DARS1: variants seen among roughly 807,000 people sequenced by gnomAD.
DARS1 encodes aspartyl-tRNA synthetase 1, also known as aspartate--tRNA ligase, cytoplasmic.
Under a neutral mutation model 68.8 loss-of-function variants are expected in DARS1, and 51 were observed. The ratio of observed to expected loss-of-function variants is 0.74; its 90% CI spans 0.59 to 0.94. The LOEUF is 0.94. Among genes scored for constraint, DARS1 ranks in the 40% least tolerant of loss-of-function variants. The probability of loss-of-function intolerance (pLI) is 0.00; values close to 1 mark genes in which losing one functional copy is unlikely to be tolerated. For synonymous variants in DARS1, 203 were observed against 190.4 expected (o/e 1.07, Z -0.55); for missense variants, 607 against 597.3 (o/e 1.02, Z -0.17).
chr2:135,967,790 A>G (rs1164650707), intron 3 of DARS1, among the ~76,000 whole-genome samples: 2 of 152,150 alleles, frequency 1.3e-5, no homozygotes, highest in African/African-American at 4.8e-5. Flanking sequence ...AGAAACTGCC[A>G]CCATGAGTTG....
intron 1 of DARS1, 45 bp downstream of exon 1, chr2:135,985,358 G>T: frequency 6.2e-7 from 1 of 1,604,646 alleles, no homozygotes; most frequent in Non-Finnish European, 8.5e-7. Context: ...GCGCAGCCCG[G>T]CCCAGGGGTC....
At chr2:135,925,230 T>C (rs1681188395) in intron 7 of DARS1, among the ~76,000 whole-genome samples, 2 of 152,212 alleles carry the variant, frequency 1.3e-5, no homozygotes, top group East Asian at 3.8e-4. Context: ...AGACTAACTT[T>C]TGTCCACTTC....
intron 3 of DARS1, among the ~76,000 whole-genome samples, chr2:135,969,806 T>C (rs1427499476): frequency 6.6e-6 from 1 of 152,186 alleles, no homozygotes; most frequent in African/African-American, 2.4e-5. Flanking sequence ...TCATTGCTCC[T>C]GAGGGAAGTT....
chr2:135,912,379 A>G (rs1295186908), intron 13 of DARS1, 107 bp downstream of exon 13: 1 of 533,578 alleles, frequency 1.9e-6, no homozygotes, highest in East Asian at 3.0e-5. Context: ...TGTCTATCAA[A>G]ACTGCAAATT....
chr2:135,916,449 C>T (rs891234786), intron 10 of DARS1, 77 bp from the exon 11 acceptor site: 7 of 771,574 alleles, frequency 9.1e-6, no homozygotes, highest in African/African-American at 8.6e-5. Flanking sequence ...TGGCAATATA[C>T]AAAAATCAAT....
intron 2 of DARS1, among the ~76,000 whole-genome samples, chr2:135,980,136 T>G (rs544664489): frequency 6.6e-6 from 1 of 152,194 alleles, no homozygotes; most frequent in South Asian, 2.1e-4. Context: ...CATTTCCCTA[T>G]CGAGCCTTTT....
intron 5 of DARS1, among the ~76,000 whole-genome samples, chr2:135,940,685 A>G (rs1287847525): frequency 6.6e-6 from 1 of 152,232 alleles, no homozygotes; most frequent in African/African-American, 2.4e-5. Flanking sequence ...GAAAGGAATA[A>G]AGGGTATTCA....
chr2:135,913,365 A>G (rs1680936886), intron 12 of DARS1, among the ~76,000 whole-genome samples: 1 of 152,190 alleles, frequency 6.6e-6, no homozygotes, highest in African/African-American at 2.4e-5. Flanking sequence ...CTTCAAATGA[A>G]TGCTACAACT....
At chr2:135,916,511 G>T in intron 10 of DARS1, 139 bp from the exon 11 acceptor site, 3 of 441,098 alleles carry the variant, frequency 6.8e-6, no homozygotes, top group East Asian at 3.3e-5. Context: ...ATTAAAGAAT[G>T]AAATTTAAAT....
chr2:135,937,401 A>G (rs886843892), intron 5 of DARS1, among the ~76,000 whole-genome samples: 5 of 152,208 alleles, frequency 3.3e-5, no homozygotes, highest in Non-Finnish European at 7.3e-5. Context: ...CAGATCAGAG[A>G]TAAGTCTTCT....
intron 4 of DARS1, among the ~76,000 whole-genome samples, chr2:135,946,044 G>GA (rs140606754): frequency 0.023 from 3,503 of 152,084 alleles, 133 homozygotes; most frequent in African/African-American, 0.08. Context: ...GAATTCAGAA[G>GA]AAAAAACATT....
chr2:135,960,018 T>G (rs1020318965), intron 4 of DARS1, among the ~76,000 whole-genome samples: 1 of 152,152 alleles, frequency 6.6e-6, no homozygotes, highest in Admixed American at 6.6e-5. Context: ...AGGTTCTCTG[T>G]GCAGATAAAA....
Position 135,958,809 on chromosome 2 carries a change from A to G in DARS1, c.320+2587T>C, listed in dbSNP as rs1682034677. On this transcript the variant is annotated intron_variant, in intron 4 of 15. Transcript: ENST00000264161. The stretch of plus-strand genomic sequence containing the variant: ...GCCAAAAGTTTAATAATAGTTATCT[A>G]TGTACCACATGTTGAACCTATTGTA... Among the ~76,000 whole-genome samples the G allele has an allele frequency of 2.0e-5, 3 of 152,202 alleles. No homozygotes were observed. In the South Asian group the frequency reaches 6.2e-4, roughly 32 times the overall value.
At chr2:135,929,699 TTGAGA>T (rs1334845981) in intron 7 of DARS1, among the ~76,000 whole-genome samples, 2 of 152,076 alleles carry the variant, frequency 1.3e-5, no homozygotes, top group Non-Finnish European at 2.9e-5. Flanking sequence ...TCTTAAAGAG[TTGAGA>T]TTTTAATTTT....
intron 5 of DARS1, among the ~76,000 whole-genome samples, chr2:135,935,450 A>G (rs1681447511): frequency 6.6e-6 from 1 of 151,754 alleles, no homozygotes; most frequent in Admixed American, 6.6e-5. Context: ...AATACAAAAA[A>G]TTAGTGGGGC....
At chr2:135,910,601 T>G (rs1302130852) in intron 15 of DARS1, among the ~76,000 whole-genome samples, 2 of 152,184 alleles carry the variant, frequency 1.3e-5, no homozygotes, top group African/African-American at 2.4e-5. Flanking sequence ...CGACCAATTT[T>G]AATTTGAAAA....
chr2:135,954,696 C>A (rs1354066195), intron 4 of DARS1, among the ~76,000 whole-genome samples: 2 of 152,136 alleles, frequency 1.3e-5, no homozygotes, highest in Non-Finnish European at 1.5e-5. Context: ...TCAGATTAAG[C>A]TTCTTAAATA....
At position 135,952,250 on chromosome 2, in the gene DARS1, T is replaced by A. The variant is rs577688398; in HGVS notation, c.321-8770A>T. On this transcript the variant is annotated intron_variant, in intron 4 of 15. Transcript: ENST00000264161. ...CAAGAGTGAGACTCCGTCTCATCTT[T>A]TCAAAAAGTATGCCATTAATGAAGT... 2.0e-5 allele frequency among the ~76,000 whole-genome samples: 3 copies of A among 152,220 alleles called. No homozygotes were observed. In the East Asian group the frequency reaches 5.8e-4, roughly 29 times the overall value.
chr2:135,941,412 G>A lies in DARS1; in HGVS notation c.423+1966C>T, dbSNP rs991854611. On this transcript the variant is annotated intron_variant, in intron 5 of 15. Coordinates refer to ENST00000264161, the MANE Select transcript of DARS1 (RefSeq NM_001349.4). Reference sequence around the variant, plus strand: ...TGAGAAAAACAAGCAATGGGGAAAGGATTCCCTATTTAATAAATGGTGCTG... The same window carrying A: ...TGAGAAAAACAAGCAATGGGGAAAGAATTCCCTATTTAATAAATGGTGCTG... Among the ~76,000 whole-genome samples the A allele has an allele frequency of 7.2e-4, 109 of 152,234 alleles. 3 individuals carry two copies. The highest frequency in any genetic ancestry group is 2.2e-3 in the African/African-American group (92 of 41,534).
Sources: gnomAD v4.1 joint callset for allele counts (sites outside exome capture counted in the v4.1 genomes callset) on GRCh38, gnomAD v4.1.1 for gene constraint, MANE v1.5 for transcripts, NCBI Gene and HGNC (gene_info 2026-07-23, HGNC 2026-07-21) for gene names.